The following PIK3AP1 variants were observed in gnomAD, a reference collection of about 807,000 sequenced individuals.
PIK3AP1 encodes the protein phosphoinositide-3-kinase adaptor protein 1, also known as phosphoinositide 3-kinase adapter protein 1.
In PIK3AP1, 21 loss-of-function variants were observed where a neutral mutation model predicts 88.1. The ratio of observed to expected loss-of-function variants is 0.24; its 90% CI spans 0.17 to 0.34. The LOEUF (loss-of-function observed/expected upper bound fraction) is 0.34, where lower values mean the gene tolerates loss of function less well. Ranked by LOEUF, PIK3AP1 falls within the 10% of genes least tolerant of loss-of-function variation. The probability of loss-of-function intolerance (pLI) is 1.00; values close to 1 mark genes in which losing one functional copy is unlikely to be tolerated. For missense variants in PIK3AP1, 828 were observed against 1,035.7 expected (o/e 0.80, Z 2.75); for synonymous variants, 398 against 400.0 (o/e 1.00, Z 0.06).
chr10:96,680,656 T>G (rs1006880657), intron 2 of PIK3AP1, among the ~76,000 whole-genome samples: 6 of 152,268 alleles, frequency 3.9e-5, no homozygotes, highest in Non-Finnish European at 8.8e-5. Flanking sequence ...TTTTTATGGC[T>G]GCATAATATT....
At chr10:96,616,020 C>T (rs549711097) in intron 13 of PIK3AP1, among the ~76,000 whole-genome samples, 1 of 152,338 alleles carries the variant, frequency 6.6e-6, no homozygotes, top group East Asian at 1.9e-4. Context: ...ATGCCAGAGG[C>T]TCTCTGTGGG....
intron 2 of PIK3AP1, among the ~76,000 whole-genome samples, chr10:96,669,999 A>G (rs886090446): frequency 6.6e-6 from 1 of 151,934 alleles, no homozygotes; most frequent in African/African-American, 2.4e-5. Flanking sequence ...ATATGGTAAA[A>G]TCCCGTCTCT....
intron 7 of PIK3AP1, among the ~76,000 whole-genome samples, chr10:96,648,081 C>T (rs1408807845): frequency 1.3e-5 from 2 of 152,200 alleles, no homozygotes; most frequent in South Asian, 2.1e-4. Flanking sequence ...GAGAGCGAGG[C>T]TGTCAGCAGG....
In PIK3AP1 at chr10:96,645,456, T is replaced by A. The variant is rs1375521504; in HGVS notation, c.1375+17A>T. ...CTCAGCAGAAAGGTGGAAGCAGAAC[T>A]GGGTTGTGCTACTTACAGAGGTCTT... is the stretch of plus-strand genomic sequence containing the variant. On this transcript the variant is annotated intron_variant, in intron 8 of 16. Coordinates refer to ENST00000339364, the MANE Select transcript of PIK3AP1 (RefSeq NM_152309.3). The A allele has an allele frequency of 6.2e-7, 1 of 1,608,946 alleles. No homozygotes were observed.
At chr10:96,599,866 T>A (rs1324261) in intron 16 of PIK3AP1, among the ~76,000 whole-genome samples, 89,974 of 151,954 alleles carry the variant, frequency 0.59, 28,151 homozygotes, top group East Asian at 0.83. Flanking sequence ...CTATCACAAC[T>A]TGCTTCCAGA....
chr10:96,618,589 TA>T (rs5787201), intron 12 of PIK3AP1: 129,985 of 143,506 alleles, frequency 0.91, 59,220 homozygotes, highest in East Asian at 0.99. Flanking sequence ...CAAGAAAATG[TA>T]AAAAAAAAAA....
At chr10:96,704,748 A>C (rs1844341087) in intron 2 of PIK3AP1, among the ~76,000 whole-genome samples, 1 of 152,000 alleles carries the variant, frequency 6.6e-6, no homozygotes, top group Non-Finnish European at 1.5e-5. Context: ...AAAAGAAAAA[A>C]AAAGAAATGC....
At chr10:96,606,598 AG>A (rs1849006542) in intron 14 of PIK3AP1, among the ~76,000 whole-genome samples, 1 of 152,220 alleles carries the variant, frequency 6.6e-6, no homozygotes, top group African/African-American at 2.4e-5. Context: ...CACAGTTGTT[AG>A]GAGACTCTGG....
intron 16 of PIK3AP1, among the ~76,000 whole-genome samples, chr10:96,601,893 T>C (rs937272849): frequency 2.0e-5 from 3 of 152,222 alleles, no homozygotes; most frequent in African/African-American, 4.8e-5. Flanking sequence ...TCTGTACTTA[T>C]TCTTTTTTTT....
In PIK3AP1 at chr10:96,621,056, G is replaced by A. The variant is rs113671750; in HGVS notation, c.1736-499C>T. 1.3e-3 allele frequency: 209 copies of A among 162,084 alleles called. 2 individuals are homozygous for A. Among genetic ancestry groups the A allele is most frequent in the African/African-American group, 4.8e-3 (201 of 41,646 alleles). The allele number at this position is 162,084 out of a possible 1,614,324, so 10.0% of individuals were successfully genotyped here. A position where few individuals can be genotyped will look rare whatever the true frequency, so the allele number is the denominator to read the frequency against. On this transcript the variant is annotated intron_variant, in intron 11 of 16. Transcript: ENST00000339364. ...CAAAGGTGGCCCAGGGTGGCAGTGC[G>A]GTCCCTGGCCAAGGCGTAGCAGCCA...
At chr10:96,609,920 C>A (rs899488028) in intron 13 of PIK3AP1, 53 bp from the exon 14 acceptor site, 11 of 1,585,362 alleles carry the variant, frequency 6.9e-6, no homozygotes, top group Non-Finnish European at 7.8e-6. Context: ...CTGTCACCTG[C>A]CAAGCTGCTC....
At chr10:96,710,047 C>A in intron 1 of PIK3AP1, 64 bp from the exon 2 acceptor site, 1 of 1,488,254 alleles carries the variant, frequency 6.7e-7, no homozygotes, top group Admixed American at 2.1e-5. Context: ...CTCCCCACAG[C>A]CTGCAAAGGT....
chr10:96,713,503 TAAAA>T (rs566830672), intron 1 of PIK3AP1, among the ~76,000 whole-genome samples: 64 of 84,926 alleles, frequency 7.5e-4, no homozygotes, highest in African/African-American at 2.8e-3. Context: ...GACTCCGTCT[TAAAA>T]AAAAAAAAAA....
rs1259833232 is a variant in PIK3AP1, at chr10:96,594,474, GA to G, written c.*1102del. The G allele has an allele frequency of 1.3e-5, 2 of 152,142 alleles. No individual in the cohort carries two copies. Among genetic ancestry groups the G allele is most frequent in the Non-Finnish European group, 2.9e-5 (2 of 68,020 alleles). The allele number at this position is 152,142 out of a possible 1,614,324, so 9.4% of individuals were successfully genotyped here. On this transcript the variant is annotated 3_prime_UTR_variant, in exon 17 of 17. Coordinates refer to ENST00000339364, the MANE Select transcript of PIK3AP1 (RefSeq NM_152309.3). The surrounding 1 kb of genome is among the most constrained non-coding windows in gnomAD (Gnocchi z 4.6). ...AAGTTTTGCTTTTTGAAACTTTGTAGATTTTTTTTCAAATATTTTTGATCCA... is the reference window on the plus strand; with the variant it reads ...AAGTTTTGCTTTTTGAAACTTTGTAGTTTTTTTTCAAATATTTTTGATCCA...
chr10:96,682,338 G>T (rs1173489106), intron 2 of PIK3AP1, among the ~76,000 whole-genome samples: 1 of 151,830 alleles, frequency 6.6e-6, no homozygotes, highest in African/African-American at 2.4e-5. Context: ...TGGGAATCGT[G>T]ACTGCAGGGT....
Position 96,684,199 on chromosome 10 carries a change from T to C in PIK3AP1, c.430+25368A>G, listed in dbSNP as rs139530805. Among the ~76,000 whole-genome samples the C allele has an allele frequency of 1.4e-4, 22 of 152,384 alleles. No homozygotes were observed. In the East Asian group the frequency reaches 4.0e-3, roughly 28 times the overall value. On this transcript the variant is annotated intron_variant, in intron 2 of 16. Coordinates refer to ENST00000339364, the MANE Select transcript of PIK3AP1 (RefSeq NM_152309.3). ...TTAAAGCTTCTCAGCCATTCTTTTC[T>C]ATTAAAGACCATTGGCATAGCTAGT...
At chr10:96,598,354 G>C (rs1300049653) in intron 16 of PIK3AP1, among the ~76,000 whole-genome samples, 6 of 152,082 alleles carry the variant, frequency 3.9e-5, no homozygotes, top group African/African-American at 1.5e-4. Context: ...ACTGTGCCTG[G>C]CCAAGAGTGT....
rs59631566 is a variant in PIK3AP1 at position 96,687,255 on chromosome 10, C to CAAAAAAAAA, written c.430+22303_430+22311dup. ...TGGGCAAAAGAGCGATACTCCATCT[C>CAAAAAAAAA]AAAAAAAAAAAAAAAAAAAAAAAAA... On this transcript the variant is annotated intron_variant, in intron 2 of 16. Coordinates refer to ENST00000339364, the MANE Select transcript of PIK3AP1 (RefSeq NM_152309.3). Among the ~76,000 whole-genome samples the CAAAAAAAAA allele has an allele frequency of 2.3e-3, 129 of 55,314 alleles. 1 individual carries two copies. The highest frequency in any genetic ancestry group is 0.013 in the Middle Eastern group (1 of 80). The allele number at this position is 55,314 out of a possible 152,430, so 36.3% of individuals were successfully genotyped here.
intron 1 of PIK3AP1, among the ~76,000 whole-genome samples, chr10:96,711,752 T>C (rs1052080384): frequency 7.9e-6 from 1 of 127,168 alleles, no homozygotes; most frequent in African/African-American, 3.1e-5. Context: ...TTTTTTTTTT[T>C]TTTTTTTTTT....
Sources: allele counts gnomAD v4.1 joint callset (sites outside exome capture counted in the v4.1 genomes callset), GRCh38; gene constraint gnomAD v4.1.1; non-coding constraint Gnocchi (gnomAD v3.1); transcripts MANE v1.5; gene names NCBI Gene and HGNC (gene_info 2026-07-23, HGNC 2026-07-21).